FHIT: variants seen among roughly 807,000 people sequenced by gnomAD.
FHIT encodes the protein fragile histidine triad diadenosine triphosphatase, also known as bis(5'-adenosyl)-triphosphatase.
Under a neutral mutation model 17.9 loss-of-function variants are expected in FHIT, and 19 were observed. The observed-to-expected ratio is 1.06, with a 90% CI of 0.74 to 1.56. The LOEUF is 1.56. FHIT is among the 40% of genes most tolerant of loss of function. FHIT has a pLI of 0.00. For missense variants in FHIT, 248 were observed against 189.2 expected (o/e 1.31, Z -1.82); for synonymous variants, 81 against 69.7 (o/e 1.16, Z -0.81).
At chr3:60,102,258 A>G (rs1352195858) in intron 5 of FHIT, among the ~76,000 whole-genome samples, 1 of 152,216 alleles carries the variant, frequency 6.6e-6, no homozygotes, top group African/African-American at 2.4e-5. Flanking sequence ...GAGGGCCGCC[A>G]ATGTTGGCAG....
intron 2 of FHIT, among the ~76,000 whole-genome samples, chr3:61,083,749 TG>T (rs1383316473): frequency 1.3e-5 from 2 of 152,252 alleles, no homozygotes; most frequent in Non-Finnish European, 2.9e-5. Context: ...ATATGATATG[TG>T]TTTTTTTTAT....
chr3:59,789,454 C>T (rs1317366706), intron 8 of FHIT, among the ~76,000 whole-genome samples: 1 of 152,142 alleles, frequency 6.6e-6, no homozygotes, highest in Non-Finnish European at 1.5e-5. Flanking sequence ...TTCTCCGTTG[C>T]TAAGATTAAT....
At chr3:60,752,705 T>C (rs959356271) in intron 4 of FHIT, among the ~76,000 whole-genome samples, 1 of 152,200 alleles carries the variant, frequency 6.6e-6, no homozygotes, top group African/African-American at 2.4e-5. Flanking sequence ...GTAAGGCATG[T>C]GTGTCCTATA....
chr3:60,919,761 C>G (rs139076889), intron 3 of FHIT, among the ~76,000 whole-genome samples: 1 of 152,114 alleles, frequency 6.6e-6, no homozygotes, highest in South Asian at 2.1e-4. Context: ...ATAGGCCAGG[C>G]GCAGTGGCTC....
At chr3:61,067,813 C>T (rs968643165) in intron 2 of FHIT, among the ~76,000 whole-genome samples, 1 of 152,304 alleles carries the variant, frequency 6.6e-6, no homozygotes, top group East Asian at 1.9e-4. Context: ...TTGAACACCC[C>T]AAGCCTTGAG....
intron 4 of FHIT, among the ~76,000 whole-genome samples, chr3:60,663,767 G>C (rs889462748): frequency 6.6e-6 from 1 of 152,024 alleles, no homozygotes; most frequent in Non-Finnish European, 1.5e-5. Flanking sequence ...ATTTTCTTTG[G>C]AACTATTGTA....
intron 5 of FHIT, among the ~76,000 whole-genome samples, chr3:60,220,706 A>C (rs1703922405): frequency 6.6e-6 from 1 of 152,152 alleles, no homozygotes; most frequent in African/African-American, 2.4e-5. Flanking sequence ...GACCTGCTCA[A>C]ATTCATGCAT....
chr3:60,543,617 G>A lies in FHIT; in HGVS notation c.-17-6638C>T, dbSNP rs1019806390. Among the ~76,000 whole-genome samples the A allele has an allele frequency of 2.6e-5, 4 of 152,064 alleles. 1 individual carries two copies. The highest frequency in any genetic ancestry group is 3.4e-3 in the Middle Eastern group (1 of 294). On this transcript the variant is annotated intron_variant, in intron 4 of 9. Transcript: ENST00000492590. ...CTATTATAAATGGTATCTTATTATT[G>A]TCATAGTTTATAATTAGTTACTCCC...
At chr3:60,804,705 TC>T in intron 4 of FHIT, among the ~76,000 whole-genome samples, 1 of 152,348 alleles carries the variant, frequency 6.6e-6, no homozygotes, top group Non-Finnish European at 1.5e-5. Flanking sequence ...AGTTCTTGCT[TC>T]CCTGTAAACT....
At chr3:60,811,756 A>C (rs1304067956) in intron 4 of FHIT, among the ~76,000 whole-genome samples, 2 of 152,168 alleles carry the variant, frequency 1.3e-5, no homozygotes, top group Non-Finnish European at 2.9e-5. Flanking sequence ...GAAGATGATC[A>C]AACATATTAG....
At chr3:59,865,814 C>T (rs1371595823) in intron 8 of FHIT, among the ~76,000 whole-genome samples, 2 of 152,120 alleles carry the variant, frequency 1.3e-5, no homozygotes, top group East Asian at 1.9e-4. Flanking sequence ...TCTAGGGCTA[C>T]GGTGTTCAAA....
chr3:61,126,092 T>C (rs1359074564), intron 2 of FHIT, among the ~76,000 whole-genome samples: 1 of 152,160 alleles, frequency 6.6e-6, no homozygotes, highest in Non-Finnish European at 1.5e-5. Flanking sequence ...CCCCAGCCAC[T>C]TGACTTCATA....
At chr3:60,579,246 A>C (rs2037676577) in intron 4 of FHIT, among the ~76,000 whole-genome samples, 1 of 152,194 alleles carries the variant, frequency 6.6e-6, no homozygotes, top group African/African-American at 2.4e-5. Flanking sequence ...TATATGCTAT[A>C]TGCTGTAACC....
At chr3:60,837,810 T>C (rs1199566264) in intron 3 of FHIT, among the ~76,000 whole-genome samples, 1 of 152,174 alleles carries the variant, frequency 6.6e-6, no homozygotes, top group Non-Finnish European at 1.5e-5. Flanking sequence ...GGTATTACTT[T>C]ATATATTTAT....
intron 5 of FHIT, among the ~76,000 whole-genome samples, chr3:60,317,518 C>A (rs1576465969): frequency 6.7e-6 from 1 of 149,980 alleles, no homozygotes; most frequent in African/African-American, 2.4e-5. Flanking sequence ...TTGGGTGGAT[C>A]CTCACAAAAG....
At chr3:60,330,447 C>A (rs541132009) in intron 5 of FHIT, among the ~76,000 whole-genome samples, 4 of 152,252 alleles carry the variant, frequency 2.6e-5, no homozygotes, top group East Asian at 1.9e-4. Flanking sequence ...ATAAAGAAAT[C>A]CAAACAAAAA....
intron 3 of FHIT, among the ~76,000 whole-genome samples, chr3:60,976,989 G>A (rs1195678505): frequency 1.3e-5 from 2 of 152,028 alleles, no homozygotes; most frequent in Non-Finnish European, 2.9e-5. Context: ...AGTAAGCCCT[G>A]TAGGAAAGAA....
intron 5 of FHIT, among the ~76,000 whole-genome samples, chr3:60,305,942 C>T (rs1375539805): frequency 3.3e-5 from 5 of 152,138 alleles, no homozygotes; most frequent in Non-Finnish European, 7.4e-5. Flanking sequence ...GCATCACTTA[C>T]ATTCTACCTT....
At chr3:60,136,715 C>A (rs1038076096) in intron 5 of FHIT, among the ~76,000 whole-genome samples, 1 of 152,092 alleles carries the variant, frequency 6.6e-6, no homozygotes, top group Non-Finnish European at 1.5e-5. Context: ...TTGTTAAGAC[C>A]GCACATTGCA....
Sources: allele counts gnomAD v4.1 joint callset (sites outside exome capture counted in the v4.1 genomes callset), GRCh38; gene constraint gnomAD v4.1.1; transcripts MANE v1.5; gene names NCBI Gene and HGNC (gene_info 2026-07-23, HGNC 2026-07-21).